Variants in SH2D1B observed in about 807,000 individuals in gnomAD.
SH2D1B encodes the protein SH2 domain containing 1B.
Under a neutral mutation model 16.3 loss-of-function variants are expected in SH2D1B, and 11 were observed. That is an observed-to-expected ratio of 0.67 (90% confidence interval 0.42 to 1.11). The LOEUF (loss-of-function observed/expected upper bound fraction) is 1.11. Among genes scored for constraint, SH2D1B ranks in the 50% most tolerant of loss-of-function variants. SH2D1B has a pLI of 0.00. For missense variants in SH2D1B, 123 were observed against 153.1 expected (o/e 0.80, Z 1.04); for synonymous variants, 55 against 56.1 (o/e 0.98, Z 0.09).
At chr1:162,407,651 G>A (rs897289637) in intron 1 of SH2D1B, among the ~76,000 whole-genome samples, 19 of 152,220 alleles carry the variant, frequency 1.2e-4, no homozygotes, top group Admixed American at 1.2e-3. Context: ...GCTAACACTT[G>A]TATCATAATA....
Position 162,395,544 on chromosome 1 carries a change from C to G in SH2D1B, c.*1736G>C, listed in dbSNP as rs1648353951. ...GTTTAATGTATACAGGAGGCCCTAA[C>G]CAATGGGTAAACATAAAAAATAAAT... On this transcript the variant is annotated 3_prime_UTR_variant, in exon 4 of 4. Coordinates refer to ENST00000367929, the MANE Select transcript of SH2D1B (RefSeq NM_053282.5). The G allele has an allele frequency of 6.6e-6, 1 of 152,026 alleles. No individual in the cohort carries two copies. The highest frequency in any genetic ancestry group is 1.5e-5 in the Non-Finnish European group (1 of 68,004). The allele number at this position is 152,026 out of a possible 1,614,324, so 9.4% of individuals were successfully genotyped here.
chr1:162,397,692 C>T (rs1339403097), intron 3 of SH2D1B, among the ~76,000 whole-genome samples: 3 of 152,142 alleles, frequency 2.0e-5, no homozygotes, highest in Admixed American at 1.3e-4. Context: ...AGCACTGACC[C>T]GGCATGGAAA....
At chr1:162,407,610 T>G (rs1648681622) in intron 1 of SH2D1B, among the ~76,000 whole-genome samples, 1 of 152,238 alleles carries the variant, frequency 6.6e-6, no homozygotes, top group Non-Finnish European at 1.5e-5. Context: ...ACCTACATGG[T>G]AACTTTTTCT....
intron 1 of SH2D1B, among the ~76,000 whole-genome samples, chr1:162,409,387 A>G (rs1648740591): frequency 1.3e-5 from 2 of 152,116 alleles, no homozygotes; most frequent in Non-Finnish European, 2.9e-5. Flanking sequence ...CCTGTTATCT[A>G]TAGAACCATT....
intron 2 of SH2D1B, among the ~76,000 whole-genome samples, chr1:162,400,457 ATTTTT>A (rs34822047): frequency 1.3e-3 from 142 of 110,816 alleles, no homozygotes; most frequent in African/African-American, 1.8e-3. Flanking sequence ...TACCTGGCTA[ATTTTT>A]TTTTTTTTTT....
chr1:162,408,208 A>T (rs1331935031), intron 1 of SH2D1B, among the ~76,000 whole-genome samples: 4 of 152,140 alleles, frequency 2.6e-5, no homozygotes, highest in African/African-American at 9.7e-5. Flanking sequence ...ATGATAATAC[A>T]TTTTTACAAG....
chr1:162,404,200 G>A (rs1016344091), intron 1 of SH2D1B, among the ~76,000 whole-genome samples: 7 of 152,090 alleles, frequency 4.6e-5, no homozygotes, highest in Admixed American at 4.6e-4. Flanking sequence ...GCTGGGTGTG[G>A]TGGCAGGCAC....
chr1:162,408,445 G>C (rs563974605), intron 1 of SH2D1B, among the ~76,000 whole-genome samples: 4 of 125,258 alleles, frequency 3.2e-5, no homozygotes, highest in Admixed American at 2.0e-4. Context: ...ATCAAGTCTC[G>C]CTCTGTAACC....
intron 1 of SH2D1B, 135 bp from the exon 2 acceptor site, chr1:162,402,937 A>G: frequency 1.5e-6 from 1 of 648,666 alleles, no homozygotes; most frequent in Admixed American, 2.7e-5. Context: ...GGGACGGAAT[A>G]TCACTCTGTC....
chr1:162,397,173 G>T lies in SH2D1B; in HGVS notation c.*107C>A. 1 of 1,231,880 alleles carries T rather than the reference G, an allele frequency of 8.1e-7. No individual in the cohort carries two copies. Among genetic ancestry groups the T allele is most frequent in the Non-Finnish European group, 1.2e-6 (1 of 841,206 alleles). 76.3% of individuals were successfully genotyped at this position (1,231,880 alleles called of 1,614,324 possible). A position where few individuals can be genotyped will look rare whatever the true frequency, so the allele number is the denominator to read the frequency against. On this transcript the variant is annotated 3_prime_UTR_variant, in exon 4 of 4. Coordinates refer to ENST00000367929, the MANE Select transcript of SH2D1B (RefSeq NM_053282.5). ...TTCAGTTACACAACCAGGAGAGTCT[G>T]AATTGTCCACTAGAGTTTGGTGCTC... is the stretch of plus-strand genomic sequence containing the variant.
At chr1:162,409,194 C>A (rs1648736332) in intron 1 of SH2D1B, among the ~76,000 whole-genome samples, 1 of 151,866 alleles carries the variant, frequency 6.6e-6, no homozygotes, top group African/African-American at 2.4e-5. Flanking sequence ...GTCCTTGCAC[C>A]TTCTTGTTTT....
Position 162,395,534 on chromosome 1 carries a change from G to A in SH2D1B, c.*1746C>T, listed in dbSNP as rs1391563440. On this transcript the variant is annotated 3_prime_UTR_variant, in exon 4 of 4. Coordinates refer to ENST00000367929, the MANE Select transcript of SH2D1B (RefSeq NM_053282.5). ...ACTATGAACTGTTTAATGTATACAG[G>A]AGGCCCTAACCAATGGGTAAACATA... 6.6e-6 allele frequency: 1 copy of A among 152,152 alleles called. No homozygotes were observed. The highest frequency in any genetic ancestry group is 1.9e-4 in the East Asian group (1 of 5,198). The allele number at this position is 152,152 out of a possible 1,614,324, so 9.4% of individuals were successfully genotyped here. A position where few individuals can be genotyped will look rare whatever the true frequency, so the allele number is the denominator to read the frequency against.
chr1:162,407,501 A>T (rs1648678863), intron 1 of SH2D1B, among the ~76,000 whole-genome samples: 2 of 152,370 alleles, frequency 1.3e-5, no homozygotes, highest in South Asian at 4.1e-4. Context: ...TTATTTTCTC[A>T]CAAAATAGTG....
At position 162,402,735 on chromosome 1, in the gene SH2D1B, T is replaced by C. The variant is rs369937886; in HGVS notation, c.198+4A>G. 1 of 1,612,444 alleles carries C rather than the reference T, an allele frequency of 6.2e-7. No individual in the cohort carries two copies. The highest frequency in any genetic ancestry group is 1.3e-5 in the African/African-American group (1 of 74,876). ...GTTGTTGTTGTCGTCCTTTTTGTTC[T>C]TACCTGTATCCTGTAATACCCGTGT... is the stretch of plus-strand genomic sequence containing the variant. On this transcript the variant is annotated splice_donor_region_variant and intron_variant, in intron 2 of 3. Coordinates refer to ENST00000367929, the MANE Select transcript of SH2D1B (RefSeq NM_053282.5).
At chr1:162,409,945 A>G (rs1648754231) in intron 1 of SH2D1B, among the ~76,000 whole-genome samples, 1 of 152,222 alleles carries the variant, frequency 6.6e-6, no homozygotes, top group South Asian at 2.1e-4. Context: ...CTCCAGTACC[A>G]TTTAAAGAAA....
chr1:162,402,372 G>C (rs12093736), intron 2 of SH2D1B: 1 of 162,840 alleles, frequency 6.1e-6, no homozygotes, highest in Non-Finnish European at 1.3e-5. Flanking sequence ...TTAGCTGGGG[G>C]TGGTGGCGCG....
At chr1:162,403,142 T>C (rs1272262187) in intron 1 of SH2D1B, among the ~76,000 whole-genome samples, 1 of 152,102 alleles carries the variant, frequency 6.6e-6, no homozygotes, top group African/African-American at 2.4e-5. Context: ...CTGATGGGAA[T>C]GTAAATTAGT....
intron 1 of SH2D1B, among the ~76,000 whole-genome samples, chr1:162,405,888 G>T (rs1264983017): frequency 6.6e-6 from 1 of 152,202 alleles, no homozygotes. Flanking sequence ...CTTGCTCAAC[G>T]CATGAACAGC....
intron 1 of SH2D1B, among the ~76,000 whole-genome samples, chr1:162,409,131 G>A (rs348629): frequency 0.3 from 44,273 of 149,624 alleles, 6,773 homozygotes; most frequent in Middle Eastern, 0.44. Flanking sequence ...AGAAAGAAAG[G>A]AAGGAAGAGA....
Sources: allele counts gnomAD v4.1 joint callset (sites outside exome capture counted in the v4.1 genomes callset), GRCh38; gene constraint gnomAD v4.1.1; transcripts MANE v1.5; gene names NCBI Gene and HGNC (gene_info 2026-07-23, HGNC 2026-07-21).